Variants in GDPD5 observed in about 807,000 individuals in gnomAD.
GDPD5 encodes the protein glycerophosphodiester phosphodiesterase domain containing 5.
Under a neutral mutation model 75.1 loss-of-function variants are expected in GDPD5, and 48 were observed. The observed-to-expected ratio is 0.64, with a 90% CI of 0.51 to 0.81. The LOEUF (loss-of-function observed/expected upper bound fraction) is 0.81. Among genes scored for constraint, GDPD5 ranks in the 40% least tolerant of loss-of-function variants. The pLI is 0.00. For missense variants in GDPD5, 706 were observed against 822.6 expected (o/e 0.86, Z 1.73); for synonymous variants, 336 against 339.0 (o/e 0.99, Z 0.10).
At position 75,499,811 on chromosome 11, in the gene GDPD5, C is replaced by A. The variant is rs533899429; in HGVS notation, c.-144-9491G>T. The stretch of plus-strand genomic sequence containing the variant: ...GACCTTCCTAGGCCTTTCTTGTTTG[C>A]AGTGTCTACGAAACAGCTTTGGTGA... On this transcript the variant is annotated intron_variant, in intron 1 of 16. Transcript: ENST00000336898. Among the ~76,000 whole-genome samples the A allele has an allele frequency of 2.6e-5, 4 of 152,288 alleles. No homozygotes were observed. In the South Asian group the frequency reaches 8.3e-4, roughly 32 times the overall value.
intron 3 of GDPD5, among the ~76,000 whole-genome samples, chr11:75,468,963 C>T (rs529883857): frequency 3.3e-5 from 5 of 152,202 alleles, no homozygotes; most frequent in Non-Finnish European, 7.3e-5. Context: ...GGCCCCAGCA[C>T]GATTACAGAT....
chr11:75,437,678 T>TGA (rs1948661797), intron 15 of GDPD5: 1 of 152,532 alleles, frequency 6.6e-6, no homozygotes, highest in Non-Finnish European at 1.5e-5. Flanking sequence ...TGAATCCCTC[T>TGA]GATGGCTGAG....
At chr11:75,495,716 G>C (rs1306888102) in intron 1 of GDPD5, among the ~76,000 whole-genome samples, 2 of 152,152 alleles carry the variant, frequency 1.3e-5, no homozygotes, top group African/African-American at 4.8e-5. Context: ...CAGTCTCCTG[G>C]CTTGCTTTAC....
intron 4 of GDPD5, among the ~76,000 whole-genome samples, chr11:75,459,630 G>A (rs1287267832): frequency 6.6e-6 from 1 of 152,052 alleles, no homozygotes; most frequent in Non-Finnish European, 1.5e-5. Flanking sequence ...AGACCACGGT[G>A]AAACCCCGTC....
At chr11:75,453,823 G>A (rs1035182867) in intron 6 of GDPD5, among the ~76,000 whole-genome samples, 3 of 152,066 alleles carry the variant, frequency 2.0e-5, no homozygotes, top group Admixed American at 1.3e-4. Flanking sequence ...GAAACGTTGG[G>A]AAGCCATCTA....
intron 1 of GDPD5, among the ~76,000 whole-genome samples, chr11:75,493,078 G>A (rs558864857): frequency 2.6e-5 from 4 of 152,244 alleles, no homozygotes; most frequent in South Asian, 4.2e-4. Context: ...TGAAACGAAC[G>A]AGTAAATTAA....
chr11:75,441,023 C>A, intron 14 of GDPD5, 140 bp downstream of exon 14: 1 of 799,368 alleles, frequency 1.3e-6, no homozygotes, highest in Non-Finnish European at 2.0e-6. Context: ...ATGCCTCAAG[C>A]CTGCACGCCC....
chr11:75,485,633 G>A (rs900997344), intron 2 of GDPD5: 6 of 152,124 alleles, frequency 3.9e-5, no homozygotes, highest in African/African-American at 1.4e-4. Context: ...TTTGAACCCG[G>A]GGCTGTTGAC....
At chr11:75,501,501 A>C (rs907739124) in intron 1 of GDPD5, among the ~76,000 whole-genome samples, 6 of 152,250 alleles carry the variant, frequency 3.9e-5, no homozygotes, top group Non-Finnish European at 8.8e-5. Flanking sequence ...CATCCTGGAA[A>C]CAGGGACTCG....
At chr11:75,499,849 C>A (rs1950274681) in intron 1 of GDPD5, among the ~76,000 whole-genome samples, 1 of 152,138 alleles carries the variant, frequency 6.6e-6, no homozygotes, top group East Asian at 1.9e-4. Context: ...ACTGAAGATG[C>A]AAAAACCACC....
chr11:75,452,522 GA>G (rs1949187543), intron 6 of GDPD5, among the ~76,000 whole-genome samples: 1 of 152,238 alleles, frequency 6.6e-6, no homozygotes, highest in South Asian at 2.1e-4. Flanking sequence ...AATTCTGAGT[GA>G]AAGGTGCCTG....
intron 3 of GDPD5, among the ~76,000 whole-genome samples, chr11:75,477,191 G>T (rs939930262): frequency 3.9e-5 from 6 of 152,172 alleles, no homozygotes; most frequent in Non-Finnish European, 8.8e-5. Context: ...TGTGGCTCAG[G>T]TGACTGAGCC....
At chr11:75,451,406 C>CT (rs1949149344) in intron 6 of GDPD5, 1 of 152,274 alleles carries the variant, frequency 6.6e-6, no homozygotes, top group Non-Finnish European at 1.5e-5. Context: ...ATCTCACACA[C>CT]GGGAAGCGAG....
chr11:75,486,484 A>C (rs1447876946), intron 2 of GDPD5, among the ~76,000 whole-genome samples: 1 of 152,180 alleles, frequency 6.6e-6, no homozygotes, highest in East Asian at 1.9e-4. Flanking sequence ...TGGTGACCCC[A>C]AACTTCCCTT....
intron 2 of GDPD5, among the ~76,000 whole-genome samples, chr11:75,478,750 C>T (rs569713736): frequency 2.0e-5 from 3 of 152,322 alleles, no homozygotes; most frequent in East Asian, 1.9e-4. Flanking sequence ...GTGTTGAGCA[C>T]TTAAAATACA....
At chr11:75,504,690 A>G (rs1484299742) in intron 1 of GDPD5, among the ~76,000 whole-genome samples, 1 of 152,236 alleles carries the variant, frequency 6.6e-6, no homozygotes, top group Non-Finnish European at 1.5e-5. Flanking sequence ...TGTAATAGGT[A>G]TAGAGTCTCA....
intron 2 of GDPD5, among the ~76,000 whole-genome samples, chr11:75,489,493 G>C (rs531013636): frequency 7.9e-5 from 12 of 152,360 alleles, no homozygotes; most frequent in African/African-American, 2.9e-4. Context: ...CCCAGGAGCT[G>C]GCTGGCCCAC....
At position 75,449,545 on chromosome 11, in the gene GDPD5, T is replaced by C; in HGVS notation, c.540A>G (p.Ala180=). Residue 180 remains alanine, a synonymous_variant, in exon 8 of 17, where the codon GCA becomes GCG. Coordinates refer to ENST00000336898, the MANE Select transcript of GDPD5 (RefSeq NM_030792.8). ...TCCGCTCTGCGCGGGCGAACTGTCC[T>C]GCCACGATCCAGGAGAGCATGGTGA... is the stretch of plus-strand genomic sequence containing the variant. ...AAVTMLSWIV[A]GQFARAERTS... 1 of 1,586,218 alleles carries C rather than the reference T, an allele frequency of 6.3e-7. No homozygotes were observed. Among genetic ancestry groups the C allele is most frequent in the East Asian group, 2.3e-5 (1 of 43,882 alleles).
intron 3 of GDPD5, among the ~76,000 whole-genome samples, chr11:75,472,187 G>T (rs1003086614): frequency 3.3e-5 from 5 of 152,062 alleles, no homozygotes; most frequent in Admixed American, 6.5e-5. Flanking sequence ...GCAAGCTCAG[G>T]CCCAGAGAGG....
Sources: allele counts gnomAD v4.1 joint callset (sites outside exome capture counted in the v4.1 genomes callset), GRCh38; gene constraint gnomAD v4.1.1; transcripts MANE v1.5; gene names NCBI Gene and HGNC (gene_info 2026-07-23, HGNC 2026-07-21).